Variants in RPTOR observed in about 807,000 individuals in gnomAD.
RPTOR encodes regulatory associated protein of MTOR complex 1.
In RPTOR, 21 loss-of-function variants were observed where a neutral mutation model predicts 169.9. The observed-to-expected ratio is 0.12, with a 90% confidence interval of 0.09 to 0.18. The LOEUF (loss-of-function observed/expected upper bound fraction) is 0.18. Ranked by LOEUF, RPTOR falls within the 10% of genes least tolerant of loss-of-function variation. The probability of loss-of-function intolerance (pLI) is 1.00; values close to 1 mark genes in which losing one functional copy is unlikely to be tolerated. For synonymous variants in RPTOR, 732 were observed against 753.2 expected (o/e 0.97, Z 0.46); for missense variants, 1,133 against 1,855.9 (o/e 0.61, Z 7.16).
At position 80,916,271 on chromosome 17, in the gene RPTOR, C is replaced by T. The variant is rs540259055; in HGVS notation, c.2521-6453C>T. ...TAGGGCTGTGATGCCATCTCTGGGG[C>T]TCTGCAGTTCCTGGCGTCTCCAAGC... On this transcript the variant is annotated intron_variant, in intron 21 of 33. Transcript: ENST00000306801. 1.1e-4 allele frequency among the ~76,000 whole-genome samples: 17 copies of T among 152,312 alleles called. 1 individual carries two copies. In the South Asian group the frequency reaches 3.5e-3, roughly 32 times the overall value.
chr17:80,610,356 T>C (rs1186108844), intron 1 of RPTOR, among the ~76,000 whole-genome samples: 4 of 152,202 alleles, frequency 2.6e-5, no homozygotes, highest in Non-Finnish European at 4.4e-5. Context: ...TCATGGAATA[T>C]GTAGCATTCC....
intron 7 of RPTOR, among the ~76,000 whole-genome samples, chr17:80,817,418 A>G (rs993690255): frequency 6.6e-6 from 1 of 151,838 alleles, no homozygotes; most frequent in African/African-American, 2.4e-5. Flanking sequence ...GGAGGAGATC[A>G]TGTGTTGCGT....
intron 7 of RPTOR, among the ~76,000 whole-genome samples, chr17:80,794,270 T>C (rs1384228528): frequency 2.0e-5 from 3 of 151,822 alleles, no homozygotes; most frequent in East Asian, 3.9e-4. Flanking sequence ...AATTAGAAAA[T>C]AGACCAAAGA....
At chr17:80,910,662 T>G (rs961848074) in intron 21 of RPTOR, among the ~76,000 whole-genome samples, 3 of 152,150 alleles carry the variant, frequency 2.0e-5, no homozygotes. Context: ...CCCTCTCATT[T>G]GCTGTGGCCT....
In RPTOR at chr17:80,809,189, G is replaced by T. The variant is rs533657568; in HGVS notation, c.891-13012G>T. On this transcript the variant is annotated intron_variant, in intron 7 of 33. Transcript: ENST00000306801. ...ACACTTGGCATTCTGCCTTTTCGGG[G>T]TTTTTTTTATTTTATTTTTTGAGAT... Among the ~76,000 whole-genome samples the T allele has an allele frequency of 1.1e-4, 17 of 152,166 alleles. No individual in the cohort carries two copies. The East Asian group carries it at 2.3e-3, about 21-fold the overall frequency.
At chr17:80,774,826 G>C (rs1271488911) in intron 6 of RPTOR, among the ~76,000 whole-genome samples, 1 of 152,208 alleles carries the variant, frequency 6.6e-6, no homozygotes, top group Non-Finnish European at 1.5e-5. Context: ...AATCAAGGAG[G>C]CTGCGGACAC....
chr17:80,887,251 C>A (rs2068258762), intron 17 of RPTOR, among the ~76,000 whole-genome samples: 1 of 117,112 alleles, frequency 8.5e-6, no homozygotes, highest in South Asian at 3.1e-4. Context: ...TCGGGGGGTG[C>A]GCTGGCTCTG....
intron 24 of RPTOR, among the ~76,000 whole-genome samples, chr17:80,928,647 C>T (rs538144020): frequency 7.2e-5 from 11 of 152,320 alleles, no homozygotes; most frequent in Non-Finnish European, 1.2e-4. Context: ...GTTCTGTCTG[C>T]GGCTCACCTT....
rs1017073873 is a variant in RPTOR, at chr17:80,599,163, T to C, written c.163-26528T>C. The stretch of plus-strand genomic sequence containing the variant: ...CGTTGAATCTGGGCTGACTCGGGAC[T>C]GTAGACCAGGTTATAAAAGGCTCTC... On this transcript the variant is annotated intron_variant, in intron 1 of 33. Coordinates refer to ENST00000306801, the MANE Select transcript of RPTOR (RefSeq NM_020761.3). Among the ~76,000 whole-genome samples the C allele has an allele frequency of 2.6e-5, 4 of 152,160 alleles. No individual in the cohort carries two copies. In the East Asian group the frequency reaches 7.7e-4, roughly 29 times the overall value.
At chr17:80,787,931 A>G (rs1234788726) in intron 6 of RPTOR, among the ~76,000 whole-genome samples, 1 of 152,072 alleles carries the variant, frequency 6.6e-6, no homozygotes, top group Admixed American at 6.5e-5. Flanking sequence ...TTTTCATTTT[A>G]GGACGACTAC....
chr17:80,691,836 C>T, intron 3 of RPTOR, among the ~76,000 whole-genome samples: 1 of 152,188 alleles, frequency 6.6e-6, no homozygotes, highest in East Asian at 1.9e-4. Context: ...TACGAAGGCG[C>T]TCTTACACAT....
intron 5 of RPTOR, among the ~76,000 whole-genome samples, chr17:80,732,860 C>T (rs1171726815): frequency 3.3e-5 from 5 of 152,192 alleles, no homozygotes; most frequent in Admixed American, 2.6e-4. Flanking sequence ...TGCCTCTTTA[C>T]AGCTGGTCAA....
intron 3 of RPTOR, among the ~76,000 whole-genome samples, chr17:80,649,478 C>T (rs376606068): frequency 1.3e-5 from 2 of 152,158 alleles, no homozygotes; most frequent in South Asian, 4.1e-4. Context: ...TAAGGTTGGG[C>T]TTCATCCACC....
chr17:80,638,778 A>T (rs2065529232), intron 2 of RPTOR, among the ~76,000 whole-genome samples: 1 of 152,228 alleles, frequency 6.6e-6, no homozygotes, highest in Non-Finnish European at 1.5e-5. Context: ...GGACATGTTC[A>T]TCCCCTCATA....
At chr17:80,876,804 G>A (rs2068122200) in intron 13 of RPTOR, among the ~76,000 whole-genome samples, 1 of 130,748 alleles carries the variant, frequency 7.6e-6, no homozygotes, top group African/African-American at 3.0e-5. Context: ...GTGCCACACA[G>A]GGTGTGTGTG....
At chr17:80,806,067 C>T (rs1048165749) in intron 7 of RPTOR, among the ~76,000 whole-genome samples, 2 of 152,078 alleles carry the variant, frequency 1.3e-5, no homozygotes, top group Non-Finnish European at 2.9e-5. Flanking sequence ...ATTTAGAAAC[C>T]GAGCAGAGAT....
chr17:80,729,370 G>A (rs2066369401), intron 4 of RPTOR, among the ~76,000 whole-genome samples: 2 of 152,226 alleles, frequency 1.3e-5, no homozygotes, highest in African/African-American at 4.8e-5. Flanking sequence ...TGATGTCCAA[G>A]GAAAGGTAAA....
intron 13 of RPTOR, among the ~76,000 whole-genome samples, chr17:80,879,090 C>T (rs143495387): frequency 6.6e-6 from 1 of 152,264 alleles, no homozygotes; most frequent in Non-Finnish European, 1.5e-5. Flanking sequence ...TGTGCGCGCC[C>T]CGGAGCAGCC....
chr17:80,696,873 C>G (rs2066041600), intron 3 of RPTOR, among the ~76,000 whole-genome samples: 2 of 152,200 alleles, frequency 1.3e-5, no homozygotes, highest in Admixed American at 1.3e-4. Flanking sequence ...GCCCATGACC[C>G]TGAAGCCCCA....
Sources: gnomAD v4.1 joint callset for allele counts (sites outside exome capture counted in the v4.1 genomes callset) on GRCh38, gnomAD v4.1.1 for gene constraint, MANE v1.5 for transcripts, NCBI Gene and HGNC (gene_info 2026-07-23, HGNC 2026-07-21) for gene names.